SLC25A21: variants seen among roughly 807,000 people sequenced by gnomAD.
The protein encoded by SLC25A21 is mitochondrial 2-oxodicarboxylate carrier.
SLC25A21 carries 47 observed loss-of-function variants against 43.8 expected under a neutral mutation model. The observed-to-expected ratio is 1.07, with a 90% CI of 0.85 to 1.37. SLC25A21 has a LOEUF of 1.37. SLC25A21 is among the 40% of genes most tolerant of loss of function. The pLI is 0.00. For synonymous variants in SLC25A21, 131 were observed against 121.3 expected (o/e 1.08, Z -0.52); for missense variants, 352 against 350.2 (o/e 1.00, Z -0.04).
chr14:36,965,140 G>A (rs142142390), intron 1 of SLC25A21, among the ~76,000 whole-genome samples: 77 of 152,024 alleles, frequency 5.1e-4, no homozygotes, highest in Non-Finnish European at 1.0e-3. Flanking sequence ...TTCCCTTTTA[G>A]AATCCCCAGA....
At chr14:36,968,525 G>A (rs919841048) in intron 1 of SLC25A21, among the ~76,000 whole-genome samples, 3 of 152,230 alleles carry the variant, frequency 2.0e-5, no homozygotes, top group Non-Finnish European at 2.9e-5. Context: ...CATCCATCAT[G>A]CTGGGGAAAC....
At chr14:36,838,089 A>G (rs1341417817) in intron 2 of SLC25A21, among the ~76,000 whole-genome samples, 3 of 152,190 alleles carry the variant, frequency 2.0e-5, no homozygotes, top group African/African-American at 7.2e-5. Flanking sequence ...GGAAACACCC[A>G]GGTCAATCAT....
chr14:36,878,005 G>T (rs1277203731), intron 1 of SLC25A21, among the ~76,000 whole-genome samples: 1 of 152,084 alleles, frequency 6.6e-6, no homozygotes, highest in Non-Finnish European at 1.5e-5. Context: ...ATTGACCTCT[G>T]CTAATGTGCT....
intron 8 of SLC25A21, among the ~76,000 whole-genome samples, chr14:36,684,359 G>A (rs771076516): frequency 1.1e-4 from 16 of 152,290 alleles, no homozygotes; most frequent in Non-Finnish European, 1.5e-4. Context: ...ATTTTTAAAA[G>A]TGTTTTTACA....
chr14:36,763,688 C>T (rs1195429459), intron 3 of SLC25A21, among the ~76,000 whole-genome samples: 1 of 151,910 alleles, frequency 6.6e-6, no homozygotes, highest in African/African-American at 2.4e-5. Context: ...CAGTAGAGCA[C>T]ACCGGGAAGA....
chr14:37,156,797 C>A (rs1178644485), intron 1 of SLC25A21, among the ~76,000 whole-genome samples: 1 of 152,110 alleles, frequency 6.6e-6, no homozygotes, highest in African/African-American at 2.4e-5. Context: ...AAGACTAGAT[C>A]TAAAGAGAGA....
chr14:37,053,552 C>T (rs1961756443), intron 1 of SLC25A21, among the ~76,000 whole-genome samples: 1 of 152,088 alleles, frequency 6.6e-6, no homozygotes, highest in African/African-American at 2.4e-5. Flanking sequence ...AAAACATATA[C>T]AAAAATAATT....
At chr14:36,829,913 T>C (rs990932584) in intron 2 of SLC25A21, among the ~76,000 whole-genome samples, 1 of 150,308 alleles carries the variant, frequency 6.7e-6, no homozygotes. Context: ...AGATGACTGA[T>C]GTTGTCTGCT....
At chr14:37,058,227 G>A in intron 1 of SLC25A21, among the ~76,000 whole-genome samples, 1 of 152,148 alleles carries the variant, frequency 6.6e-6, no homozygotes, top group East Asian at 1.9e-4. Context: ...TTTATTAAAT[G>A]CCAGGAATTT....
At chr14:36,965,342 T>C (rs56918913) in intron 1 of SLC25A21, among the ~76,000 whole-genome samples, 16,315 of 152,182 alleles carry the variant, frequency 0.11, 2,420 homozygotes, top group African/African-American at 0.33. Flanking sequence ...TCTTGGTTTA[T>C]GTTTTTTAAT....
chr14:36,962,851 CA>C (rs1225108978), intron 1 of SLC25A21, among the ~76,000 whole-genome samples: 1 of 152,126 alleles, frequency 6.6e-6, no homozygotes, highest in Non-Finnish European at 1.5e-5. Flanking sequence ...TTAGACATAC[CA>C]AACACATGAA....
intron 1 of SLC25A21, among the ~76,000 whole-genome samples, chr14:37,095,831 C>T (rs1433212515): frequency 9.1e-5 from 4 of 44,036 alleles, no homozygotes; most frequent in African/African-American, 1.4e-4. Context: ...CACACACACA[C>T]ACACACACAC....
intron 1 of SLC25A21, among the ~76,000 whole-genome samples, chr14:37,002,644 AAAAC>A: frequency 6.6e-6 from 1 of 152,330 alleles, no homozygotes; most frequent in South Asian, 2.1e-4. Context: ...AGATGATTAA[AAAAC>A]AAGAAGAAAA....
chr14:36,729,580 C>T lies in SLC25A21; in HGVS notation c.271-14G>A, dbSNP rs1249913685. On this transcript the variant is annotated splice_polypyrimidine_tract_variant and intron_variant, in intron 4 of 9. Transcript: ENST00000331299. ...AAAGGTGAAAAACTGTGAAACAAAACCAAACTCACAGATTTATAACAATTT... is the reference window on the plus strand; with the variant it reads ...AAAGGTGAAAAACTGTGAAACAAAATCAAACTCACAGATTTATAACAATTT... 1.0e-5 allele frequency: 16 copies of T among 1,599,364 alleles called. No homozygotes were observed. Among genetic ancestry groups the T allele is most frequent in the African/African-American group, 5.4e-5 (4 of 74,290 alleles).
At chr14:37,157,982 G>C (rs1963878476) in intron 1 of SLC25A21, among the ~76,000 whole-genome samples, 1 of 152,120 alleles carries the variant, frequency 6.6e-6, no homozygotes, top group South Asian at 2.1e-4. Context: ...TGGAAAACTA[G>C]AGGAAATTGA....
chr14:37,154,583 C>T (rs529021051), intron 1 of SLC25A21, among the ~76,000 whole-genome samples: 1 of 151,606 alleles, frequency 6.6e-6, no homozygotes, highest in South Asian at 2.1e-4. Flanking sequence ...TAAAGAAACT[C>T]AGTACAAAGA....
intron 9 of SLC25A21, among the ~76,000 whole-genome samples, chr14:36,682,640 T>A (rs540458205): frequency 3.3e-5 from 5 of 152,132 alleles, no homozygotes; most frequent in Non-Finnish European, 7.3e-5. Context: ...TACTAGCAGG[T>A]TTTTACTCTG....
chr14:37,134,669 A>G (rs1486003890), intron 1 of SLC25A21, among the ~76,000 whole-genome samples: 1 of 151,684 alleles, frequency 6.6e-6, no homozygotes, highest in Non-Finnish European at 1.5e-5. Flanking sequence ...AAAAAGAAAG[A>G]AAGAAAGAAA....
At chr14:36,849,450 A>T (rs1323835933) in intron 2 of SLC25A21, among the ~76,000 whole-genome samples, 1 of 152,230 alleles carries the variant, frequency 6.6e-6, no homozygotes, top group African/African-American at 2.4e-5. Context: ...TTCATAATGA[A>T]CAAAAACTAT....
Sources: allele counts gnomAD v4.1 joint callset (sites outside exome capture counted in the v4.1 genomes callset), GRCh38; gene constraint gnomAD v4.1.1; transcripts MANE v1.5; gene names NCBI Gene and HGNC (gene_info 2026-07-23, HGNC 2026-07-21).